Variants in PDE4D observed in about 807,000 individuals in gnomAD.
The protein encoded by PDE4D is phosphodiesterase 4D, also known as 3',5'-cyclic-AMP phosphodiesterase 4D.
Under a neutral mutation model 87.4 loss-of-function variants are expected in PDE4D, and 24 were observed. The observed-to-expected ratio is 0.27, with a 90% CI of 0.20 to 0.39. The LOEUF (loss-of-function observed/expected upper bound fraction) is 0.39, where lower values mean the gene tolerates loss of function less well. Among genes scored for constraint, PDE4D ranks in the 10% least tolerant of loss-of-function variants. PDE4D has a pLI of 1.00. For synonymous variants in PDE4D, 384 were observed against 383.2 expected (o/e 1.00, Z -0.02); for missense variants, 714 against 1,041.0 (o/e 0.69, Z 4.32).
intron 1 of PDE4D, among the ~76,000 whole-genome samples, chr5:59,758,567 G>A (rs1761573510): frequency 6.6e-6 from 1 of 152,128 alleles, no homozygotes; most frequent in African/African-American, 2.4e-5. Flanking sequence ...TGTTAAGATG[G>A]TATAAAATTG....
intron 2 of PDE4D, among the ~76,000 whole-genome samples, chr5:60,171,403 G>A (rs1474890437): frequency 6.6e-6 from 1 of 152,026 alleles, no homozygotes; most frequent in Non-Finnish European, 1.5e-5. Flanking sequence ...TAGTTCTACT[G>A]AAGTGCAAAG....
intron 5 of PDE4D, among the ~76,000 whole-genome samples, chr5:59,101,052 C>T (rs545773696): frequency 2.6e-5 from 4 of 152,160 alleles, no homozygotes; most frequent in Admixed American, 6.5e-5. Flanking sequence ...GGTCTCCATG[C>T]CCAGCCTTGG....
chr5:60,405,735 T>G (rs947015306), intron 1 of PDE4D, among the ~76,000 whole-genome samples: 3 of 152,246 alleles, frequency 2.0e-5, no homozygotes, highest in African/African-American at 4.8e-5. Flanking sequence ...AGCCAGATAC[T>G]TTACCAAGGT....
chr5:59,588,465 C>T lies in PDE4D; in HGVS notation c.455+304703G>A, dbSNP rs532683157. ...ACTTAGGTATTTAAAAAGGCTTTTA[C>T]GCAATTGCTTGATATTAAATGGAAT... is the stretch of plus-strand genomic sequence containing the variant. On this transcript the variant is annotated intron_variant, in intron 1 of 14. Coordinates refer to ENST00000340635, the MANE Select transcript of PDE4D (RefSeq NM_001104631.2). 1.2e-4 allele frequency among the ~76,000 whole-genome samples: 19 copies of T among 152,226 alleles called. No homozygotes were observed. The South Asian group carries it at 3.3e-3, about 27-fold the overall frequency.
intron 1 of PDE4D, among the ~76,000 whole-genome samples, chr5:59,762,854 GATATATATATATATAT>G (rs35979900): frequency 3.7e-4 from 19 of 51,688 alleles, no homozygotes; most frequent in African/African-American, 9.4e-4. Context: ...ACTGCTTAAG[GATATATATATATATAT>G]ATATATATAT....
rs370721270 is a variant in PDE4D, at chr5:60,046,681, G to A, written c.43-57964C>T. On this transcript the variant is annotated intron_variant, in intron 2 of 16. Transcript: ENST00000502484. ...TGCTGGATTACATTTATTGATTTGCGTATATTGAACCAGCCTTGCATCCCA... is the reference window on the plus strand; with the variant it reads ...TGCTGGATTACATTTATTGATTTGCATATATTGAACCAGCCTTGCATCCCA... Among the ~76,000 whole-genome samples the A allele has an allele frequency of 3.9e-3, 592 of 152,070 alleles. 2 individuals are homozygous for A. Among genetic ancestry groups the A allele is most frequent in the African/African-American group, 9.6e-3 (400 of 41,470 alleles).
chr5:60,134,935 T>TAC (rs1294625031), intron 2 of PDE4D, among the ~76,000 whole-genome samples: 2 of 152,256 alleles, frequency 1.3e-5, no homozygotes, highest in African/African-American at 4.8e-5. Flanking sequence ...ACCCACTCCA[T>TAC]ACACACACAT....
intron 1 of PDE4D, among the ~76,000 whole-genome samples, chr5:59,574,126 A>T (rs1561241867): frequency 0.012 from 60 of 4,984 alleles, no homozygotes; most frequent in East Asian, 0.1. Flanking sequence ...ATAAATATAT[A>T]TTTATATATA....
At chr5:59,609,760 C>T (rs932517878) in intron 1 of PDE4D, among the ~76,000 whole-genome samples, 2 of 152,134 alleles carry the variant, frequency 1.3e-5, no homozygotes, top group Admixed American at 1.3e-4. Flanking sequence ...ATTCACTCTA[C>T]AGAAAAAAGG....
At chr5:59,353,227 C>T (rs146569627) in intron 1 of PDE4D, among the ~76,000 whole-genome samples, 18 of 152,248 alleles carry the variant, frequency 1.2e-4, no homozygotes, top group Admixed American at 3.9e-4. Flanking sequence ...TTGAACACTA[C>T]TGTAGTTTTA....
At chr5:60,297,912 C>T (rs1275463151) in intron 1 of PDE4D, among the ~76,000 whole-genome samples, 1 of 152,176 alleles carries the variant, frequency 6.6e-6, no homozygotes, top group Non-Finnish European at 1.5e-5. Context: ...GTAGAAGACT[C>T]ATGTTTATGG....
intron 1 of PDE4D, among the ~76,000 whole-genome samples, chr5:59,226,528 C>T (rs935093078): frequency 6.6e-6 from 1 of 152,106 alleles, no homozygotes; most frequent in African/African-American, 2.4e-5. Context: ...CAATGTGTAT[C>T]ATTTAATCAT....
At chr5:59,510,781 T>C (rs1329435522) in intron 1 of PDE4D, among the ~76,000 whole-genome samples, 2 of 151,930 alleles carry the variant, frequency 1.3e-5, no homozygotes, top group Non-Finnish European at 2.9e-5. Context: ...GAAAACTCTT[T>C]AGTTAAGTGA....
At chr5:59,346,300 C>T (rs1367605535) in intron 1 of PDE4D, among the ~76,000 whole-genome samples, 4 of 151,992 alleles carry the variant, frequency 2.6e-5, no homozygotes, top group African/African-American at 9.7e-5. Flanking sequence ...ATTTTTTTCT[C>T]TCTTACTGGC....
intron 3 of PDE4D, among the ~76,000 whole-genome samples, chr5:59,929,500 C>A (rs1755659634): frequency 6.8e-6 from 1 of 147,088 alleles, no homozygotes; most frequent in Non-Finnish European, 1.5e-5. Context: ...TATCTACAGT[C>A]TTTTTTTTTT....
At chr5:59,758,029 A>C (rs576511233) in intron 1 of PDE4D, among the ~76,000 whole-genome samples, 1 of 152,292 alleles carries the variant, frequency 6.6e-6, no homozygotes, top group African/African-American at 2.4e-5. Context: ...TTGAATATTC[A>C]TTGTTATAAC....
At chr5:59,601,977 A>G (rs1205631135) in intron 1 of PDE4D, among the ~76,000 whole-genome samples, 2 of 152,118 alleles carry the variant, frequency 1.3e-5, no homozygotes, top group African/African-American at 4.8e-5. Context: ...CAAAAAAAGA[A>G]AACTACAGGC....
At chr5:59,403,795 T>G (rs557468868) in intron 1 of PDE4D, among the ~76,000 whole-genome samples, 1 of 152,282 alleles carries the variant, frequency 6.6e-6, no homozygotes, top group African/African-American at 2.4e-5. Context: ...TTGATTTCCT[T>G]TCTTTTGGGT....
chr5:59,427,637 G>C (rs1795487165), intron 1 of PDE4D, among the ~76,000 whole-genome samples: 1 of 151,998 alleles, frequency 6.6e-6, no homozygotes, highest in Non-Finnish European at 1.5e-5. Context: ...TGTTTGAGAA[G>C]AGCCTGGGCA....
Sources: gnomAD v4.1 joint callset for allele counts (sites outside exome capture counted in the v4.1 genomes callset) on GRCh38, gnomAD v4.1.1 for gene constraint, MANE v1.5 for transcripts, NCBI Gene and HGNC (gene_info 2026-07-23, HGNC 2026-07-21) for gene names.